Variants in PAPLN observed in about 807,000 individuals in gnomAD.
PAPLN encodes papilin.
In PAPLN, 146 loss-of-function variants were observed where a neutral mutation model predicts 159.0. The ratio of observed to expected loss-of-function variants is 0.92; its 90% CI spans 0.80 to 1.05. The LOEUF (loss-of-function observed/expected upper bound fraction) is 1.05. PAPLN is among the 50% of genes least tolerant of loss of function. PAPLN has a pLI of 0.00. For missense variants in PAPLN, 1,720 were observed against 1,743.9 expected, an observed-to-expected ratio of 0.99 and a Z score of 0.24; for synonymous variants, 734 against 702.9, an observed-to-expected ratio of 1.04 and a Z score of -0.70.
In PAPLN at chr14:73,239,856, C is replaced by G. The variant is rs558326578; in HGVS notation, c.54+24C>G. The G allele has an allele frequency of 1.1e-5, 17 of 1,563,492 alleles. No homozygotes were observed. The African/African-American group carries it at 1.4e-4, about 13-fold the overall frequency. ...CGGTGAGTGCGGTCCTGCCCCGGCC[C>G]CCGGAGGAACCTGCAGGGGAGTCGG... On this transcript the variant is annotated intron_variant, in intron 2 of 26. Coordinates refer to ENST00000644200, the MANE Select transcript of PAPLN (RefSeq NM_001365906.3).
At position 73,264,727 on chromosome 14, in the gene PAPLN, G is replaced by A. The variant is rs1360270335; in HGVS notation, c.3125+1G>A. 6.2e-7 allele frequency: 1 copy of A among 1,612,798 alleles called. No homozygotes were observed. The highest frequency in any genetic ancestry group is 8.5e-7 in the Non-Finnish European group (1 of 1,179,812). Reference sequence around the variant, plus strand: ...CTTCACACCCACAGCCTGCAAACAGGTAAGAACTCAGCAATGCCATCTTGC... The same window carrying A: ...CTTCACACCCACAGCCTGCAAACAGATAAGAACTCAGCAATGCCATCTTGC... On this transcript the variant is annotated splice_donor_variant, in intron 22 of 26. Transcript: ENST00000644200. LOFTEE classifies it high-confidence loss of function.
intron 5 of PAPLN, among the ~76,000 whole-genome samples, chr14:73,247,133 G>C (rs112018782): frequency 0.012 from 1,843 of 152,302 alleles, 35 homozygotes; most frequent in African/African-American, 0.043. Flanking sequence ...GGGAGCGGTA[G>C]CAATGGTGCC....
In PAPLN at chr14:73,238,303, C is replaced by T. The variant is rs534735938; in HGVS notation, c.-7+711C>T. Among the ~76,000 whole-genome samples, 21 of 152,352 alleles carry T rather than the reference C, an allele frequency of 1.4e-4. No individual in the cohort carries two copies. In the South Asian group the frequency reaches 3.3e-3, roughly 24 times the overall value. On this transcript the variant is annotated intron_variant, in intron 1 of 26. Transcript: ENST00000644200. The stretch of plus-strand genomic sequence containing the variant: ...CCCGGGAACAACACGTTGAGGGCGC[C>T]CACCCTGCGTGCCCGGGGCCACCCG...
At chr14:73,256,676 G>C (rs973108593) in intron 14 of PAPLN, among the ~76,000 whole-genome samples, 1 of 151,978 alleles carries the variant, frequency 6.6e-6, no homozygotes, top group East Asian at 1.9e-4. Context: ...CAGATCACTT[G>C]AGCTCAGGAG....
In PAPLN at chr14:73,246,184, G is replaced by C. The variant is rs1208824880; in HGVS notation, c.334+9G>C. The C allele has an allele frequency of 4.5e-6, 7 of 1,567,414 alleles. No individual in the cohort carries two copies. The highest frequency in any genetic ancestry group is 1.9e-5 in the Admixed American group (1 of 51,622). The stretch of plus-strand genomic sequence containing the variant: ...GCTGCCCTACTACAGCGGTGAGCGC[G>C]GCCGGGACTCGCTCTCTCGGGGCCT... On this transcript the variant is annotated intron_variant, in intron 5 of 26. Transcript: ENST00000644200.
At chr14:73,236,896 A>C (rs573630382), upstream of PAPLN, among the ~76,000 whole-genome samples, 2 of 111,068 alleles carry the variant, frequency 1.8e-5, no homozygotes, top group African/African-American at 8.1e-5. Flanking sequence ...GAAAGTAGAA[A>C]GAAAGAAAAG....
In PAPLN at chr14:73,259,388, C is replaced by G; in HGVS notation, c.1828C>G (p.Pro610Ala). Residue 610 changes from proline (P) to alanine (A), a missense_variant, in exon 16 of 27, where the codon CCC becomes GCC. Physicochemically the swap from Pro to Ala is conservative, Grantham distance 27. Coordinates refer to ENST00000644200, the MANE Select transcript of PAPLN (RefSeq NM_001365906.3). Reference protein sequence around the residue: ...GTHLSALGPAPSLQQPPYQQP... With the variant: ...GTHLSALGPAASLQQPPYQQP... Reference sequence around the variant, plus strand: ...CCACCTGTCAGCCCTGGGCCCCGCTCCCTCTCTGCAGCAGCCCCCATACCA... The same window carrying G: ...CCACCTGTCAGCCCTGGGCCCCGCTGCCTCTCTGCAGCAGCCCCCATACCA... 1 of 1,612,752 alleles carries G rather than the reference C, an allele frequency of 6.2e-7. No homozygotes were observed. Among genetic ancestry groups the G allele is most frequent in the Non-Finnish European group, 8.5e-7 (1 of 1,179,484 alleles).
intron 5 of PAPLN, among the ~76,000 whole-genome samples, chr14:73,246,405 T>G: frequency 4.0e-5 from 1 of 25,184 alleles, no homozygotes; most frequent in Admixed American, 6.2e-4. Context: ...CAATTTTTTT[T>G]TTTTTTTTTT....
intron 16 of PAPLN, 77 bp from the exon 17 acceptor site, chr14:73,260,632 C>G (rs1227372227): frequency 1.5e-6 from 2 of 1,350,542 alleles, no homozygotes; most frequent in African/African-American, 3.0e-5. Flanking sequence ...CCATGGGGAG[C>G]CTCAGAGCCT....
rs1171664018 is a variant in PAPLN, at chr14:73,239,758, A to G, written c.-6-15A>G. The G allele has an allele frequency of 9.5e-6, 15 of 1,582,210 alleles. No individual in the cohort carries two copies. Among genetic ancestry groups the G allele is most frequent in the Admixed American group, 8.6e-5 (5 of 57,864 alleles). On this transcript the variant is annotated splice_polypyrimidine_tract_variant and intron_variant, in intron 1 of 26. Coordinates refer to ENST00000644200, the MANE Select transcript of PAPLN (RefSeq NM_001365906.3). ...GGGAGCCCCGGGCCGCTCTAACCCAATGCGTCTCCCGCAGGCTGAGATGCG... is the reference window on the plus strand; with the variant it reads ...GGGAGCCCCGGGCCGCTCTAACCCAGTGCGTCTCCCGCAGGCTGAGATGCG...
At chr14:73,253,237 G>A (rs2140243951) in intron 11 of PAPLN, 1 of 1,358,426 alleles carries the variant, frequency 7.4e-7, no homozygotes, top group Non-Finnish European at 9.7e-7. Flanking sequence ...GTAACCTGCA[G>A]GTCACAGGCT....
At chr14:73,269,782 C>G (rs1055728893) in intron 26 of PAPLN, among the ~76,000 whole-genome samples, 1 of 152,180 alleles carries the variant, frequency 6.6e-6, no homozygotes, top group African/African-American at 2.4e-5. Context: ...GGTGCCAGGG[C>G]CCTTCCTGCC....
chr14:73,263,738 C>T lies in PAPLN; in HGVS notation c.2817C>T (p.Ser939=), dbSNP rs1397141117. The change falls in exon 20 of 27, where the codon TCC becomes TCT. Residue 939 remains serine, a synonymous_variant. Coordinates refer to ENST00000644200, the MANE Select transcript of PAPLN (RefSeq NM_001365906.3). ...LSCSDDTAPE[S]QAAWQKDGQP... ...GCTCAGACGACACTGCCCCGGAATC[C>T]CAGGCTGCCTGGCAGAAAGATGGCC... 1 of 1,609,274 alleles carries T rather than the reference C, an allele frequency of 6.2e-7. No individual in the cohort carries two copies. The highest frequency in any genetic ancestry group is 8.5e-7 in the Non-Finnish European group (1 of 1,179,932).
intron 16 of PAPLN, among the ~76,000 whole-genome samples, chr14:73,260,467 A>G (rs1886432346): frequency 6.6e-6 from 1 of 152,150 alleles, no homozygotes; most frequent in African/African-American, 2.4e-5. Context: ...GCCAGTTATG[A>G]GGGGTACAGC....
chr14:73,264,525 C>T (rs1364300242), intron 21 of PAPLN, 63 bp from the exon 22 acceptor site: 15 of 1,549,066 alleles, frequency 9.7e-6, no homozygotes, highest in South Asian at 3.7e-5. Flanking sequence ...TCTCATGGCC[C>T]GCCCTTCCTT....
In PAPLN at chr14:73,261,233, T is replaced by C; in HGVS notation, c.2184T>C (p.Tyr728=). The part of the protein sequence containing the change: ...ECRGSQFGCC[Y]DNVATAAGPL... ...GGGGCTCCCAGTTTGGCTGTTGCTA[T>C]GACAACGTGGCCACTGCAGCCGGTC... The change falls in exon 18 of 27, where the codon TAT becomes TAC. Residue 728 remains tyrosine (Y), a synonymous_variant. Transcript: ENST00000644200. 6.2e-7 allele frequency: 1 copy of C among 1,613,882 alleles called. No homozygotes were observed. The highest frequency in any genetic ancestry group is 8.5e-7 in the Non-Finnish European group (1 of 1,180,016).
chr14:73,262,162 C>A, intron 18 of PAPLN, 188 bp from the exon 19 acceptor site: 1 of 649,102 alleles, frequency 1.5e-6, no homozygotes, highest in Non-Finnish European at 2.7e-6. Flanking sequence ...GGGGGCAGGT[C>A]TGCACAGTGG....
At chr14:73,266,237 C>T (rs1379047744) in intron 23 of PAPLN, among the ~76,000 whole-genome samples, 3 of 152,130 alleles carry the variant, frequency 2.0e-5, no homozygotes, top group Non-Finnish European at 1.5e-5. Flanking sequence ...ACTCGGGAGG[C>T]TGAGGGAGAA....
Position 73,259,016 on chromosome 14 carries a change from C to T in PAPLN, c.1665C>T (p.Ser555=), listed in dbSNP as rs1395581722. 1 of 1,612,802 alleles carries T rather than the reference C, an allele frequency of 6.2e-7. No individual in the cohort carries two copies. Among genetic ancestry groups the T allele is most frequent in the South Asian group, 1.1e-5 (1 of 90,890 alleles). The change falls in exon 15 of 27, where the codon AGC becomes AGT. Residue 555 remains serine, a synonymous_variant. Coordinates refer to ENST00000644200, the MANE Select transcript of PAPLN (RefSeq NM_001365906.3). ...PSMQDVHTPA[S]NPWMPLGPQE... ...TGCAGGATGTGCACACCCCTGCCAG[C>T]AACCCCTGGATGCCGTTGGGCCCTC...
Sources: allele counts gnomAD v4.1 joint callset (sites outside exome capture counted in the v4.1 genomes callset), GRCh38; gene constraint gnomAD v4.1.1; transcripts MANE v1.5; gene names NCBI Gene and HGNC (gene_info 2026-07-23, HGNC 2026-07-21).